The following ME2 variants were observed in gnomAD, a reference collection of about 807,000 sequenced individuals.
ME2 encodes malic enzyme 2, also known as NAD-dependent malic enzyme, mitochondrial.
Under a neutral mutation model 73.7 loss-of-function variants are expected in ME2, and 60 were observed. That is an observed-to-expected ratio of 0.81 (90% CI 0.66 to 1.01). The LOEUF (loss-of-function observed/expected upper bound fraction) is 1.01, where lower values mean the gene tolerates loss of function less well. ME2 is among the 50% of genes least tolerant of loss of function. The pLI is 0.00. For missense variants in ME2, 594 were observed against 705.5 expected (o/e 0.84, Z 1.79); for synonymous variants, 199 against 236.9 (o/e 0.84, Z 1.47).
At chr18:50,905,379 A>G (rs1916994961) in intron 2 of ME2, among the ~76,000 whole-genome samples, 1 of 152,172 alleles carries the variant, frequency 6.6e-6, no homozygotes, top group East Asian at 1.9e-4. Context: ...CACTTGCTCA[A>G]ATCTACTGTT....
At chr18:50,918,085 T>G (rs1917326182) in intron 6 of ME2, 25 bp from the exon 7 acceptor site, 4 of 1,436,906 alleles carry the variant, frequency 2.8e-6, no homozygotes, top group Non-Finnish European at 3.8e-6. Flanking sequence ...AATTATTTTA[T>G]TTTTACATTT....
rs57428974 is a variant in ME2, at chr18:50,941,353, C to CTTTTTTTTTTTTTTTTTTTTTT, written c.1587+977_1587+998dup. ...TCTTTGTGTGTATTTGTGATGGTTT[C>CTTTTTTTTTTTTTTTTTTTTTT]TTTTTTTTTTTTTTTTTTTTTTTTT... On this transcript the variant is annotated intron_variant, in intron 15 of 15. Coordinates refer to ENST00000321341, the MANE Select transcript of ME2 (RefSeq NM_002396.5). Among the ~76,000 whole-genome samples the CTTTTTTTTTTTTTTTTTTTTTT allele has an allele frequency of 1.1e-4, 7 of 63,846 alleles. 2 individuals are homozygous for CTTTTTTTTTTTTTTTTTTTTTT. The highest frequency in any genetic ancestry group is 4.0e-4 in the African/African-American group (5 of 12,428). 41.9% of individuals were successfully genotyped at this position (63,846 alleles called of 152,430 possible).
intron 1 of ME2, among the ~76,000 whole-genome samples, chr18:50,887,576 C>T (rs746399234): frequency 1.3e-5 from 2 of 152,198 alleles, no homozygotes; most frequent in Non-Finnish European, 2.9e-5. Flanking sequence ...TTAAACCATC[C>T]ATCCCACACC....
At chr18:50,924,076 T>C (rs1258310767) in intron 10 of ME2, 22 bp from the exon 11 acceptor site, 2 of 1,476,266 alleles carry the variant, frequency 1.4e-6, no homozygotes, top group African/African-American at 1.4e-5. Flanking sequence ...AAAAAAATAC[T>C]GTATTTTATC....
intron 13 of ME2, chr18:50,939,140 G>GAAAAAAAAAAAAAA (rs56350434): frequency 3.4e-5 from 4 of 118,482 alleles, no homozygotes; most frequent in East Asian, 2.3e-4. Context: ...AAAAAAAAAA[G>GAAAAAAAAAAAAAA]AAAAAAAAAA....
In ME2 at chr18:50,950,467, C is replaced by CTTTTTTTTTTTTTTTT. The variant is rs1182196966; in HGVS notation, c.*3296_*3311dup. On this transcript the variant is annotated 3_prime_UTR_variant, in exon 16 of 16. Coordinates refer to ENST00000321341, the MANE Select transcript of ME2 (RefSeq NM_002396.5). ...GCCTGGGGTGGGGCCTCAGATTCTG[C>CTTTTTTTTTTTTTTTT]TTTTTTTTTTTTTTTTTTTTTTTTT... The CTTTTTTTTTTTTTTTT allele has an allele frequency of 2.4e-4, 11 of 45,072 alleles. 1 individual carries two copies. The highest frequency in any genetic ancestry group is 9.7e-4 in the African/African-American group (11 of 11,286). The allele number at this position is 45,072 out of a possible 1,614,324, so 2.8% of individuals were successfully genotyped here. A position where few individuals can be genotyped will look rare whatever the true frequency, so the allele number is the denominator to read the frequency against.
intron 7 of ME2, 104 bp from the exon 8 acceptor site, chr18:50,920,352 A>G (rs1371321444): frequency 2.5e-6 from 2 of 797,836 alleles, no homozygotes; most frequent in Admixed American, 6.6e-5. Context: ...TAATTGAACT[A>G]ACATAATACA....
intron 2 of ME2, among the ~76,000 whole-genome samples, chr18:50,900,864 A>T (rs1916872687): frequency 6.6e-6 from 1 of 152,104 alleles, no homozygotes; most frequent in Non-Finnish European, 1.5e-5. Flanking sequence ...CATAATTGTA[A>T]GTTTCCTGAG....
intron 12 of ME2, among the ~76,000 whole-genome samples, chr18:50,930,670 CTT>C (rs1466997281): frequency 2.0e-5 from 3 of 152,180 alleles, no homozygotes; most frequent in Non-Finnish European, 4.4e-5. Flanking sequence ...AATTTCCAAA[CTT>C]ACTGATACCA....
At chr18:50,918,453 C>T (rs1917339654) in intron 7 of ME2, among the ~76,000 whole-genome samples, 1 of 152,190 alleles carries the variant, frequency 6.6e-6, no homozygotes, top group Non-Finnish European at 1.5e-5. Flanking sequence ...GAAGTCTGCC[C>T]TCACTGCTTC....
intron 4 of ME2, among the ~76,000 whole-genome samples, chr18:50,914,159 G>A (rs887038280): frequency 1.3e-5 from 2 of 152,082 alleles, no homozygotes; most frequent in African/African-American, 4.8e-5. Flanking sequence ...CTGGAGGTCC[G>A]GATTTTAGTG....
At chr18:50,925,092 C>T (rs1042004458) in intron 11 of ME2, among the ~76,000 whole-genome samples, 7 of 152,064 alleles carry the variant, frequency 4.6e-5, no homozygotes, top group Non-Finnish European at 1.0e-4. Context: ...CTCTTTGTGA[C>T]TGGCTAATTT....
chr18:50,953,312 A>G lies in ME2; in HGVS notation c.*6128A>G, dbSNP rs1028894595. ...ACGGGGTTTCACCGTGTTAGCCAGG[A>G]TGGTCTCGATCTCCTGACCTCATGA... On this transcript the variant is annotated 3_prime_UTR_variant, in exon 16 of 16. Transcript: ENST00000321341. 2.0e-5 allele frequency: 3 copies of G among 151,972 alleles called. No individual in the cohort carries two copies. The highest frequency in any genetic ancestry group is 7.2e-5 in the African/African-American group (3 of 41,380). The allele number at this position is 151,972 out of a possible 1,614,324, so 9.4% of individuals were successfully genotyped here.
intron 4 of ME2, among the ~76,000 whole-genome samples, chr18:50,915,156 T>C (rs935540455): frequency 4.6e-5 from 7 of 152,104 alleles, no homozygotes; most frequent in Non-Finnish European, 5.9e-5. Context: ...TTTTCTAGAT[T>C]ACTTTATTGT....
intron 15 of ME2, among the ~76,000 whole-genome samples, chr18:50,944,221 G>GA (rs1918030793): frequency 6.6e-6 from 1 of 151,810 alleles, no homozygotes; most frequent in African/African-American, 2.4e-5. Flanking sequence ...CTCTAAGAAA[G>GA]AAAAAAGAGA....
At chr18:50,882,805 T>C (rs1916355249) in intron 1 of ME2, among the ~76,000 whole-genome samples, 1 of 152,008 alleles carries the variant, frequency 6.6e-6, no homozygotes, top group African/African-American at 2.4e-5. Flanking sequence ...AAAAATTTGC[T>C]GGGCATGGTA....
chr18:50,925,703 A>G, intron 11 of ME2, 53 bp from the exon 12 acceptor site: 1 of 1,492,388 alleles, frequency 6.7e-7, no homozygotes, highest in Non-Finnish European at 9.3e-7. Flanking sequence ...ATTGATAAGC[A>G]TTGCTTTTAT....
At chr18:50,907,171 G>C (rs1234771236) in intron 2 of ME2, among the ~76,000 whole-genome samples, 1 of 152,140 alleles carries the variant, frequency 6.6e-6, no homozygotes, top group Admixed American at 6.5e-5. Flanking sequence ...GGGTCTTCCA[G>C]GGAACCACCA....
intron 15 of ME2, among the ~76,000 whole-genome samples, chr18:50,941,698 G>T (rs1917966172): frequency 6.8e-6 from 1 of 146,756 alleles, no homozygotes; most frequent in Non-Finnish European, 1.5e-5. Context: ...TTTTTTTTTG[G>T]GATAAATTCT....
Sources: gnomAD v4.1 joint callset for allele counts (sites outside exome capture counted in the v4.1 genomes callset) on GRCh38, gnomAD v4.1.1 for gene constraint, MANE v1.5 for transcripts, NCBI Gene and HGNC (gene_info 2026-07-23, HGNC 2026-07-21) for gene names.